Variants in SPTBN5 observed in about 807,000 individuals in gnomAD.
The protein encoded by SPTBN5 is spectrin beta, non-erythrocytic 5, also known as spectrin beta chain, non-erythrocytic 5.
A neutral mutation model predicts 477.6 loss-of-function variants in SPTBN5; 513 were observed. That is an observed-to-expected ratio of 1.07 (90% CI 1.00 to 1.16). SPTBN5 has a LOEUF of 1.16. SPTBN5 is among the 50% of genes most tolerant of loss of function. SPTBN5 has a pLI of 0.00. For missense variants in SPTBN5, 5,062 were observed against 4,731.8 expected, an observed-to-expected ratio of 1.07 and a Z score of -2.05; for synonymous variants, 2,169 against 2,011.7, an observed-to-expected ratio of 1.08 and a Z score of -2.09.
intron 66 of SPTBN5, chr15:41,850,261 CAG>C: frequency 2.5e-6 from 1 of 402,158 alleles, no homozygotes; most frequent in Non-Finnish European, 4.7e-6. Flanking sequence ...CCTGGGAAGA[CAG>C]ACTCTTGGGA....
intron 66 of SPTBN5, 65 bp from the exon 67 acceptor site, chr15:41,850,024 T>G: frequency 1.5e-6 from 2 of 1,335,690 alleles, no homozygotes; most frequent in East Asian, 5.0e-5. Flanking sequence ...CAGGTCTGGC[T>G]GCTCCTTCCT....
rs1375329078 is a variant in SPTBN5, at chr15:41,873,840, C to T, written c.4890+5G>A. Reference sequence around the variant, plus strand: ...TTCCCCCAACCCCACCTCTCTGCATCCTACCTGCTGGAAAGTGACAGCCTG... The same window carrying T: ...TTCCCCCAACCCCACCTCTCTGCATTCTACCTGCTGGAAAGTGACAGCCTG... On this transcript the variant is annotated splice_donor_5th_base_variant and intron_variant, in intron 25 of 67. Coordinates refer to ENST00000320955, the MANE Select transcript of SPTBN5 (RefSeq NM_016642.4). 6.2e-7 allele frequency: 1 copy of T among 1,609,766 alleles called. No homozygotes were observed. Among genetic ancestry groups the T allele is most frequent in the Non-Finnish European group, 8.5e-7 (1 of 1,179,856 alleles).
intron 63 of SPTBN5, 113 bp downstream of exon 63, chr15:41,851,666 G>A: frequency 1.3e-6 from 1 of 773,220 alleles, no homozygotes; most frequent in South Asian, 1.7e-5. Flanking sequence ...GGTGGGGGGT[G>A]GCATCTGCCC....
At chr15:41,888,809 T>G (rs993181891) in intron 4 of SPTBN5, among the ~76,000 whole-genome samples, 21 of 152,214 alleles carry the variant, frequency 1.4e-4, no homozygotes, top group Admixed American at 5.9e-4. Flanking sequence ...CAGGCTGCAC[T>G]TCCCCTGCCC....
At position 41,871,885 on chromosome 15, in the gene SPTBN5, T is replaced by A. The variant is rs771894219; in HGVS notation, c.5198A>T (p.His1733Leu). The A allele has an allele frequency of 1.3e-6, 2 of 1,586,264 alleles. No individual in the cohort carries two copies. The highest frequency in any genetic ancestry group is 1.7e-6 in the Non-Finnish European group (2 of 1,166,378). ...DRELEGTLRL[H>L]EFLREAEDLQ... ...GTCCTCAGCCTCCCTCAGGAACTCA[T>A]GCAGCCTCAGGGTCCCCTCCAGTTC... The change falls in exon 28 of 68, where the codon CAT (histidine) becomes CTT (leucine). Residue 1733 changes from histidine (H) to leucine (L), a missense_variant. By Grantham distance (99) the His-to-Leu change is moderately conservative (BLOSUM62 -3). Transcript: ENST00000320955.
At position 41,868,566 on chromosome 15, in the gene SPTBN5, G is replaced by C. The variant is rs753022687; in HGVS notation, c.5889C>G (p.Arg1963=). ...AACTCTCCTCCACCTGCAGGTCCTG[G>C]CGCACGCGGGCTGCCCAGGAGGCAT... ...RDYASWAARV[R]QDLQVEESSQ... The change falls in exon 33 of 68, where the codon CGC becomes CGG. Residue 1963 remains arginine, a synonymous_variant. Transcript: ENST00000320955. 1.3e-4 allele frequency: 210 copies of C among 1,601,866 alleles called. No individual in the cohort carries two copies. Among genetic ancestry groups the C allele is most frequent in the Non-Finnish European group, 1.7e-4 (204 of 1,179,696 alleles).
At chr15:41,881,574 G>A (rs2066954041) in intron 12 of SPTBN5, among the ~76,000 whole-genome samples, 1 of 152,186 alleles carries the variant, frequency 6.6e-6, no homozygotes, top group South Asian at 2.1e-4. Flanking sequence ...TGAGTGATGA[G>A]GCCACCCCAA....
intron 66 of SPTBN5, chr15:41,850,255 G>C (rs558500772): frequency 2.4e-6 from 1 of 408,694 alleles, no homozygotes; most frequent in African/African-American, 2.0e-5. Flanking sequence ...TGGGCTCCTG[G>C]GAAGACAGAC....
chr15:41,866,875 C>T, intron 36 of SPTBN5, 84 bp downstream of exon 36: 1 of 1,446,276 alleles, frequency 6.9e-7, no homozygotes, highest in Non-Finnish European at 9.2e-7. Flanking sequence ...CTGTTTCCGC[C>T]TCACAGTGTT....
At chr15:41,861,546 T>C (rs749043793) in intron 45 of SPTBN5, 50 bp from the exon 46 acceptor site, 1 of 1,590,532 alleles carries the variant, frequency 6.3e-7, no homozygotes, top group South Asian at 1.1e-5. Flanking sequence ...GTCCAGCCAC[T>C]GCAGTTGGAG....
In SPTBN5 at chr15:41,881,335, G is replaced by A. The variant is rs1230528439; in HGVS notation, c.2458-101C>T. ...CCGTGCCCTGAGACCTGGAGGCGCT[G>A]AGCTGTAGCTCAAAGGGTGTGTGGG... On this transcript the variant is annotated intron_variant, in intron 12 of 67. Coordinates refer to ENST00000320955, the MANE Select transcript of SPTBN5 (RefSeq NM_016642.4). The A allele has an allele frequency of 6.3e-6, 6 of 950,442 alleles. No homozygotes were observed. The East Asian group carries it at 1.5e-4, about 24-fold the overall frequency. The allele number at this position is 950,442 out of a possible 1,614,324, so 58.9% of individuals were successfully genotyped here. A position where few individuals can be genotyped will look rare whatever the true frequency, so the allele number is the denominator to read the frequency against.
At chr15:41,852,051 C>T (rs991266245) in intron 62 of SPTBN5, 131 bp downstream of exon 62, 6 of 1,159,780 alleles carry the variant, frequency 5.2e-6, no homozygotes, top group African/African-American at 4.7e-5. Context: ...TTCCTAATGA[C>T]CTTCAGCTCC....
At position 41,860,702 on chromosome 15, in the gene SPTBN5, G is replaced by T; in HGVS notation, c.7872C>A (p.Asp2624Glu). ...TGATCTTTCCCGCCTGCACCTCCAG[G>T]TCCCACTCCAGCATCTTGTGCTTCC... ...LLWKHKMLEW[D>E]LEVQAGKISA... Residue 2624 changes from aspartate (D) to glutamate (E), a missense_variant, in exon 47 of 68, where the codon GAC (aspartate) becomes GAA (glutamate). Asp to Glu is a conservative substitution (Grantham distance 45, BLOSUM62 2). Transcript: ENST00000320955. 6.3e-7 allele frequency: 1 copy of T among 1,599,348 alleles called. No homozygotes were observed. The highest frequency in any genetic ancestry group is 8.5e-7 in the Non-Finnish European group (1 of 1,173,738).
At position 41,878,528 on chromosome 15, in the gene SPTBN5, G is replaced by T. The variant is rs1340446094; in HGVS notation, c.3284C>A (p.Ala1095Asp). Residue 1095 changes from alanine to aspartate, a missense_variant, in exon 17 of 68, where the codon GCC becomes GAC. Transcript: ENST00000320955. ...GGCCTGAGTCTCAGCCTGGCGCCGGGCCCGTTGGGCCACTTGTTCCTGTAC... is the reference window on the plus strand; with the variant it reads ...GGCCTGAGTCTCAGCCTGGCGCCGGTCCCGTTGGGCCACTTGTTCCTGTAC... Reference protein sequence around the residue: ...KQVQEQVAQRARRQAETQARQ... With the variant: ...KQVQEQVAQRDRRQAETQARQ... 2 of 1,612,866 alleles carry T rather than the reference G, an allele frequency of 1.2e-6. No individual in the cohort carries two copies. The highest frequency in any genetic ancestry group is 1.7e-6 in the Non-Finnish European group (2 of 1,179,700).
At chr15:41,857,205 G>A (rs754849616) in intron 51 of SPTBN5, 33 bp downstream of exon 51, 2 of 1,565,502 alleles carry the variant, frequency 1.3e-6, no homozygotes, top group South Asian at 1.2e-5. Context: ...CAGGAAGGCA[G>A]GGAAGAGAAG....
chr15:41,862,281 A>G lies in SPTBN5; in HGVS notation c.7397T>C (p.Leu2466Pro). The G allele has an allele frequency of 6.2e-7, 1 of 1,603,606 alleles. No individual in the cohort carries two copies. The highest frequency in any genetic ancestry group is 8.5e-7 in the Non-Finnish European group (1 of 1,174,764). ...TTTCTGAGCTTGGTGCAAGGCATCC[A>G]GCGCCTCCCTCCTGCCCACAGCGCT... is the stretch of plus-strand genomic sequence containing the variant. ...RSRAQKRREALDALHQAQKLQ... is the reference protein window; with the variant it reads ...RSRAQKRREAPDALHQAQKLQ... The change falls in exon 44 of 68, where the codon CTG becomes CCG. Residue 2466 changes from leucine (L) to proline (P), a missense_variant. Transcript: ENST00000320955.
Position 41,852,838 on chromosome 15 carries a change from T to G in SPTBN5, c.10333A>C (p.Lys3445Gln), listed in dbSNP as rs1285181366. 1.0e-5 allele frequency: 16 copies of G among 1,606,266 alleles called. No individual in the cohort carries two copies. Among genetic ancestry groups the G allele is most frequent in the East Asian group, 8.9e-5 (4 of 44,730 alleles). The change falls in exon 60 of 68, where the codon AAG becomes CAG. Residue 3445 changes from lysine (K) to glutamine (Q), a missense_variant. Transcript: ENST00000320955. ...CCCCCACTCACCCCATAGTCGGGCT[T>G]CAGCAGGAGTCCCTCCCAGCAGGCC... ...WLACWEGLLLKPDYGHSVSDV... is the reference protein window; with the variant it reads ...WLACWEGLLLQPDYGHSVSDV...
rs745789006 is a variant in SPTBN5 at position 41,882,737 on chromosome 15, G to C, written c.1894C>G (p.Arg632Gly). 1 of 1,608,808 alleles carries C rather than the reference G, an allele frequency of 6.2e-7. No homozygotes were observed. Among genetic ancestry groups the C allele is most frequent in the African/African-American group, 1.3e-5 (1 of 74,946 alleles). ...QSLVALVRAR[R>G]ALLEQTLQRA... is the part of the protein sequence containing the mutation. ...TGCAGGGTCTGCTCCAGCAGGGCCC[G>C]CCTGAGGGACAATAGGGGCCACCGA... Residue 632 changes from arginine (R) to glycine (G), a missense_variant and splice_region_variant, in exon 10 of 68, where the codon CGG becomes GGG. Physicochemically the swap from Arg to Gly is moderately radical, Grantham distance 125 (BLOSUM62 -2). Transcript: ENST00000320955.
In SPTBN5 at chr15:41,874,457, A is replaced by G; in HGVS notation, c.4524T>C (p.His1508=). The G allele has an allele frequency of 6.2e-7, 1 of 1,610,630 alleles. No individual in the cohort carries two copies. The highest frequency in any genetic ancestry group is 8.5e-7 in the Non-Finnish European group (1 of 1,178,858). The change falls in exon 24 of 68, where the codon CAT becomes CAC. Residue 1508 remains histidine (H), a synonymous_variant. Coordinates refer to ENST00000320955, the MANE Select transcript of SPTBN5 (RefSeq NM_016642.4). ...HLRRLELLQG[H]LAIRGLQLQA... Reference sequence around the variant, plus strand: ...GCAGCTGCAGGCCCCGGATGGCCAGATGCCCCTGCAGAAGCTCCAGCCTAG... The same window carrying G: ...GCAGCTGCAGGCCCCGGATGGCCAGGTGCCCCTGCAGAAGCTCCAGCCTAG...
Sources: gnomAD v4.1 joint callset for allele counts (sites outside exome capture counted in the v4.1 genomes callset) on GRCh38, gnomAD v4.1.1 for gene constraint, MANE v1.5 for transcripts, NCBI Gene and HGNC (gene_info 2026-07-23, HGNC 2026-07-21) for gene names.